Variants in ZNF600 observed in about 807,000 individuals in gnomAD.
The protein encoded by ZNF600 is zinc finger protein KR-ZNF1.
In ZNF600, 4 loss-of-function variants were observed where a neutral mutation model predicts 7.3. The ratio of observed to expected loss-of-function variants is 0.55; its 90% CI spans 0.27 to 1.25. The LOEUF is 1.25. Among genes scored for constraint, ZNF600 ranks in the 50% most tolerant of loss-of-function variants. The pLI, the probability that ZNF600 is intolerant of heterozygous loss-of-function variation, is 0.12. For synonymous variants in ZNF600, 290 were observed against 308.9 expected, an observed-to-expected ratio of 0.94 and a Z score of 0.64; for missense variants, 911 against 922.1, an observed-to-expected ratio of 0.99 and a Z score of 0.16.
At chr19:52,809,739 G>T in the ZNF600 span, 1 of 426,016 alleles carries the variant, frequency 2.3e-6, no homozygotes, top group Non-Finnish European at 4.2e-6. Context: ...CAGGAGGAGG[G>T]GGTTGCAGTG....
chr19:52,808,272 G>C, the ZNF600 span: 1 of 1,478,272 alleles, frequency 6.8e-7, no homozygotes, highest in Non-Finnish European at 9.0e-7. Context: ...TTCACCACAT[G>C]ATGTTTTTAT....
intron 1 of ZNF600, among the ~76,000 whole-genome samples, chr19:52,782,788 C>T (rs8109494): frequency 0.79 from 120,630 of 152,018 alleles, 48,967 homozygotes; most frequent in Non-Finnish European, 0.84. Flanking sequence ...AGACAGAGCA[C>T]TGCTTGAACC....
chr19:52,775,775 G>A (rs1267606381), intron 2 of ZNF600, among the ~76,000 whole-genome samples: 26 of 152,102 alleles, frequency 1.7e-4, no homozygotes, highest in South Asian at 2.1e-4. Flanking sequence ...TTGAGAGGTC[G>A]AGGCAGGTGG....
intron 2 of ZNF600, among the ~76,000 whole-genome samples, chr19:52,775,238 T>TAAAA (rs763471785): frequency 7.6e-5 from 11 of 145,256 alleles, no homozygotes; most frequent in Admixed American, 1.4e-4. Context: ...ACACTCCATC[T>TAAAA]CAAAAAACAA....
At chr19:52,823,416 A>G in the ZNF600 span, among the ~76,000 whole-genome samples, 1 of 152,040 alleles carries the variant, frequency 6.6e-6, no homozygotes. Context: ...GGGTTTCACC[A>G]TGTTGGCCAG....
At chr19:52,808,629 CAA>C in the ZNF600 span, among the ~76,000 whole-genome samples, 1 of 122,222 alleles carries the variant, frequency 8.2e-6, no homozygotes, top group African/African-American at 3.0e-5. Flanking sequence ...AACTCCATCT[CAA>C]AAAAAAAAAA....
chr19:52,787,859 CA>C (rs561775430), upstream of ZNF600, among the ~76,000 whole-genome samples: 2,728 of 84,498 alleles, frequency 0.032, 64 homozygotes, highest in Non-Finnish European at 0.047. Context: ...GGCTACGTCT[CA>C]AAAAAAAAAA....
chr19:52,808,068 A>G, the ZNF600 span: 1 of 1,613,588 alleles, frequency 6.2e-7, no homozygotes, highest in Non-Finnish European at 8.5e-7. Flanking sequence ...TCCTCTGAGC[A>G]GGGTCCAGGC....
chr19:52,799,347 C>T, the ZNF600 span: 1 of 531,484 alleles, frequency 1.9e-6, no homozygotes, highest in East Asian at 3.4e-5. Context: ...ATAAACCTTA[C>T]ATCTGTGTGG....
the ZNF600 span, among the ~76,000 whole-genome samples, chr19:52,793,978 A>G: frequency 1.3e-5 from 2 of 152,204 alleles, no homozygotes; most frequent in South Asian, 2.1e-4. Flanking sequence ...CCCTCATCTG[A>G]GACGTGTAGG....
the ZNF600 span, chr19:52,801,392 C>G: frequency 1.1e-5 from 17 of 1,614,072 alleles, no homozygotes; most frequent in East Asian, 3.3e-4. Flanking sequence ...GAAATATGTG[C>G]AGTTCAGGCA....
chr19:52,802,567 C>G, the ZNF600 span, among the ~76,000 whole-genome samples: 3 of 151,886 alleles, frequency 2.0e-5, no homozygotes, highest in African/African-American at 7.3e-5. Flanking sequence ...ATCCCAGCTA[C>G]TTGGGAGGCT....
At chr19:52,766,352 T>C in exon 4 of ZNF600, 1 of 1,614,168 alleles carries the variant, frequency 6.2e-7, no homozygotes, top group Non-Finnish European at 8.5e-7. Flanking sequence ...ATTTGTATGG[T>C]TTCTCTCCGG....
chr19:52,807,773 G>T, the ZNF600 span: 1 of 720,632 alleles, frequency 1.4e-6, no homozygotes, highest in Non-Finnish European at 2.1e-6. Flanking sequence ...CCACGACCAG[G>T]CTGCCATAAA....
the ZNF600 span, among the ~76,000 whole-genome samples, chr19:52,817,160 G>C: frequency 6.6e-6 from 1 of 152,116 alleles, no homozygotes; most frequent in Non-Finnish European, 1.5e-5. Flanking sequence ...ATCGCCTGAG[G>C]TCGGGAGTTT....
At chr19:52,777,399 G>A (rs963768329) in intron 2 of ZNF600, among the ~76,000 whole-genome samples, 1 of 151,958 alleles carries the variant, frequency 6.6e-6, no homozygotes, top group Non-Finnish European at 1.5e-5. Flanking sequence ...AGTCCAGCTG[G>A]GCTGGCTGTC....
the ZNF600 span, among the ~76,000 whole-genome samples, chr19:52,802,492 A>G: frequency 1.3e-5 from 2 of 152,158 alleles, no homozygotes; most frequent in African/African-American, 2.4e-5. Flanking sequence ...AGCCTGGCCA[A>G]TGTGGCAAAA....
At chr19:52,829,554 A>C in the ZNF600 span, among the ~76,000 whole-genome samples, 1 of 151,292 alleles carries the variant, frequency 6.6e-6, no homozygotes, top group African/African-American at 2.4e-5. Flanking sequence ...TTGTATTTGT[A>C]GTAGAGATGG....
the ZNF600 span, chr19:52,809,862 G>A: frequency 3.1e-6 from 2 of 652,434 alleles, no homozygotes; most frequent in African/African-American, 1.8e-5. Flanking sequence ...CAGTAGCACT[G>A]GGCCTGCGGG....
Sources: allele counts gnomAD v4.1 joint callset (sites outside exome capture counted in the v4.1 genomes callset), GRCh38; gene constraint gnomAD v4.1.1; transcripts MANE v1.5; gene names NCBI Gene and HGNC (gene_info 2026-07-23, HGNC 2026-07-21).